SHANK2: variants seen among roughly 807,000 people sequenced by gnomAD.
SHANK2 encodes the protein SH3 and multiple ankyrin repeat domains protein 2.
In SHANK2, 43 loss-of-function variants were observed where a neutral mutation model predicts 133.7. That is an observed-to-expected ratio of 0.32 (90% CI 0.25 to 0.41). The LOEUF (loss-of-function observed/expected upper bound fraction) is 0.41, where lower values mean the gene tolerates loss of function less well. SHANK2 is among the 10% of genes least tolerant of loss of function. The pLI, the probability that SHANK2 is intolerant of heterozygous loss-of-function variation, is 1.00. For missense variants in SHANK2, 1,994 were observed against 2,235.8 expected (o/e 0.89, Z 2.18); for synonymous variants, 1,017 against 952.8 (o/e 1.07, Z -1.24).
At chr11:71,110,596 A>T (rs531282100) in intron 5 of SHANK2, among the ~76,000 whole-genome samples, 125 of 152,326 alleles carry the variant, frequency 8.2e-4, no homozygotes, top group Non-Finnish European at 1.6e-3. Context: ...ACCTGTCTCA[A>T]AAAAGAAAAA....
intron 11 of SHANK2, among the ~76,000 whole-genome samples, chr11:70,877,747 T>G (rs1949591985): frequency 6.6e-6 from 1 of 152,312 alleles, no homozygotes; most frequent in South Asian, 2.1e-4. Context: ...AGAAGCTTAC[T>G]TACTCAAGGA....
intron 17 of SHANK2, among the ~76,000 whole-genome samples, chr11:70,605,020 G>C (rs2060555884): frequency 1.3e-5 from 2 of 152,230 alleles, no homozygotes; most frequent in South Asian, 4.1e-4. Flanking sequence ...TCTACAGTCA[G>C]GACCAGATGG....
At chr11:71,235,476 C>G (rs529103338) in intron 1 of SHANK2, among the ~76,000 whole-genome samples, 1 of 152,082 alleles carries the variant, frequency 6.6e-6, no homozygotes, top group African/African-American at 2.4e-5. Context: ...CACCTGTAAT[C>G]CCAGCTACTC....
At chr11:70,875,046 TG>T (rs1237933465) in intron 11 of SHANK2, among the ~76,000 whole-genome samples, 4 of 152,226 alleles carry the variant, frequency 2.6e-5, no homozygotes, top group Non-Finnish European at 5.9e-5. Context: ...GATGCTAATT[TG>T]AAGTTCACAG....
chr11:70,724,803 C>T (rs1361884130), intron 14 of SHANK2, among the ~76,000 whole-genome samples: 3 of 152,204 alleles, frequency 2.0e-5, no homozygotes. Context: ...GTCACCTGCT[C>T]AGTGTTTGGG....
intron 17 of SHANK2, among the ~76,000 whole-genome samples, chr11:70,583,528 C>A (rs80178232): frequency 4.6e-5 from 7 of 152,190 alleles, no homozygotes; most frequent in African/African-American, 1.4e-4. Context: ...AAGGGGCTGG[C>A]TGACTTCTGG....
intron 8 of SHANK2, among the ~76,000 whole-genome samples, chr11:71,083,988 G>GC (rs1424419386): frequency 2.0e-5 from 3 of 149,800 alleles, no homozygotes; most frequent in Admixed American, 6.7e-5. Flanking sequence ...TTGGGGGGGG[G>GC]AGACAGAGTC....
intron 11 of SHANK2, among the ~76,000 whole-genome samples, chr11:70,858,157 G>A (rs1164747272): frequency 2.0e-5 from 3 of 152,342 alleles, no homozygotes; most frequent in East Asian, 1.9e-4. Flanking sequence ...AGAAGGAGCC[G>A]AGTGCTGCTG....
chr11:70,805,159 T>C, intron 13 of SHANK2, among the ~76,000 whole-genome samples: 1 of 152,120 alleles, frequency 6.6e-6, no homozygotes. Context: ...CTACAGGAAC[T>C]GCCAGCCGCA....
At chr11:70,615,156 G>C (rs1251889854) in intron 17 of SHANK2, among the ~76,000 whole-genome samples, 1 of 152,190 alleles carries the variant, frequency 6.6e-6, no homozygotes, top group African/African-American at 2.4e-5. Flanking sequence ...AGCTGTTGGG[G>C]AATGAGTAGG....
chr11:70,515,730 G>T (rs1237694866), intron 17 of SHANK2, among the ~76,000 whole-genome samples: 1 of 151,824 alleles, frequency 6.6e-6, no homozygotes, highest in African/African-American at 2.4e-5. Context: ...TGAGGTGGGA[G>T]GATCCCTTGA....
At chr11:71,072,530 T>G (rs1249868909) in intron 9 of SHANK2, among the ~76,000 whole-genome samples, 3 of 152,206 alleles carry the variant, frequency 2.0e-5, no homozygotes, top group Non-Finnish European at 2.9e-5. Context: ...AAGGTTCCAC[T>G]TGTGGGCATT....
chr11:70,770,569 C>G (rs1261271263), intron 14 of SHANK2, among the ~76,000 whole-genome samples: 2 of 152,226 alleles, frequency 1.3e-5, no homozygotes, highest in Non-Finnish European at 2.9e-5. Flanking sequence ...GGGGCCTTCT[C>G]TCTAAAACGG....
intron 13 of SHANK2, among the ~76,000 whole-genome samples, 181 bp from the exon 14 acceptor site, chr11:70,798,737 G>C (rs1555049813): frequency 6.6e-6 from 1 of 152,186 alleles, no homozygotes; most frequent in Non-Finnish European, 1.5e-5. Context: ...AGAGGCACCG[G>C]GGCATCACCA....
chr11:70,595,532 C>T (rs537615435), intron 17 of SHANK2, among the ~76,000 whole-genome samples: 12 of 152,210 alleles, frequency 7.9e-5, no homozygotes, highest in East Asian at 1.9e-4. Flanking sequence ...GCGAAGGCGA[C>T]GGTGAACTGT....
At chr11:70,893,570 G>C (rs1555075131) in intron 11 of SHANK2, among the ~76,000 whole-genome samples, 1 of 152,198 alleles carries the variant, frequency 6.6e-6, no homozygotes, top group South Asian at 2.1e-4. Flanking sequence ...CAACACAATT[G>C]ATCTAAATGG....
intron 11 of SHANK2, among the ~76,000 whole-genome samples, chr11:70,843,779 A>G (rs1343226370): frequency 6.6e-6 from 1 of 152,110 alleles, no homozygotes; most frequent in Non-Finnish European, 1.5e-5. Context: ...TACAGGGCTC[A>G]ACCGATTCTT....
Position 70,486,014 on chromosome 11 carries a change from G to C in SHANK2, c.4279C>G (p.Arg1427Gly). 6.2e-7 allele frequency: 1 copy of C among 1,613,594 alleles called. No individual in the cohort carries two copies. Among genetic ancestry groups the C allele is most frequent in the Non-Finnish European group, 8.5e-7 (1 of 1,179,888 alleles). ...FANSFDIPDD[R>G]AASVPALSDL... ...GAGAGAGCCGGGACAGAAGCTGCCCGGTCATCGGGGATATCAAAACTATTT... is the reference window on the plus strand; with the variant it reads ...GAGAGAGCCGGGACAGAAGCTGCCCCGTCATCGGGGATATCAAAACTATTT... Residue 1427 changes from arginine to glycine, a missense_variant, in exon 25 of 26, where the codon CGG becomes GGG. By Grantham distance (125) the Arg-to-Gly change is moderately radical. Around this residue, in one of 5 missense-constraint regions of SHANK2, gnomAD observed 797 missense variants for 907.4 expected, o/e 0.88. Coordinates refer to ENST00000601538, the MANE Select transcript of SHANK2 (RefSeq NM_012309.5). This position sits in a 1 kb window ranked among gnomAD's most constrained non-coding sequence, Gnocchi z 8.0.
At chr11:70,542,258 G>A (rs1186510093) in intron 17 of SHANK2, among the ~76,000 whole-genome samples, 4 of 152,292 alleles carry the variant, frequency 2.6e-5, no homozygotes, top group African/African-American at 9.6e-5. Context: ...GATCATCCTC[G>A]GTTACTGAAG....
Sources: allele counts gnomAD v4.1 joint callset (sites outside exome capture counted in the v4.1 genomes callset), GRCh38; gene constraint gnomAD v4.1.1; regional missense constraint gnomAD v4.1.1; non-coding constraint Gnocchi (gnomAD v3.1); transcripts MANE v1.5; gene names NCBI Gene and HGNC (gene_info 2026-07-23, HGNC 2026-07-21).